Variants in KLHDC10 observed in about 807,000 individuals in gnomAD.
KLHDC10 encodes kelch domain-containing protein 10.
Under a neutral mutation model 56.1 loss-of-function variants are expected in KLHDC10, and 24 were observed. The ratio of observed to expected loss-of-function variants is 0.43; its 90% CI spans 0.31 to 0.60. The LOEUF is 0.60. Among genes scored for constraint, KLHDC10 ranks in the 20% least tolerant of loss-of-function variants. KLHDC10 has a pLI of 0.11. For synonymous variants in KLHDC10, 188 were observed against 207.1 expected, an observed-to-expected ratio of 0.91 and a Z score of 0.79; for missense variants, 349 against 567.0, an observed-to-expected ratio of 0.62 and a Z score of 3.91.
chr7:130,102,519 A>ACC (rs1795946124), intron 2 of KLHDC10, among the ~76,000 whole-genome samples: 1 of 152,092 alleles, frequency 6.6e-6, no homozygotes, highest in South Asian at 2.1e-4. Context: ...TAGATCCATA[A>ACC]ATTTAAAAAA....
intron 1 of KLHDC10, among the ~76,000 whole-genome samples, chr7:130,078,006 A>G (rs1056228135): frequency 6.6e-6 from 1 of 152,162 alleles, no homozygotes; most frequent in Non-Finnish European, 1.5e-5. Context: ...AATAACAGGT[A>G]TAGCTAAATA....
At chr7:130,099,130 T>C (rs566813640) in intron 2 of KLHDC10, among the ~76,000 whole-genome samples, 2 of 152,364 alleles carry the variant, frequency 1.3e-5, no homozygotes, top group Admixed American at 1.3e-4. Flanking sequence ...TGTATAGTTC[T>C]AGATGTTTTC....
intron 1 of KLHDC10, among the ~76,000 whole-genome samples, chr7:130,077,353 CAAAA>C (rs35132418): frequency 0.065 from 1,126 of 17,412 alleles, 3 homozygotes; most frequent in South Asian, 0.2. Flanking sequence ...GACTCTGTCT[CAAAA>C]AAAAAAAAAA....
chr7:130,081,616 G>T (rs914474498), intron 1 of KLHDC10, among the ~76,000 whole-genome samples: 2 of 152,246 alleles, frequency 1.3e-5, no homozygotes, highest in African/African-American at 4.8e-5. Flanking sequence ...ACTGCACCCG[G>T]CATTTTGATA....
At chr7:130,103,507 A>C (rs1474890295) in intron 2 of KLHDC10, among the ~76,000 whole-genome samples, 1 of 152,178 alleles carries the variant, frequency 6.6e-6, no homozygotes, top group Non-Finnish European at 1.5e-5. Context: ...TGCAAAAACA[A>C]ACCAACAGAA....
chr7:130,087,682 A>G (rs1033300674), intron 1 of KLHDC10, among the ~76,000 whole-genome samples: 1 of 152,126 alleles, frequency 6.6e-6, no homozygotes, highest in African/African-American at 2.4e-5. Flanking sequence ...AATGCTAACC[A>G]CAAATATTTT....
intron 2 of KLHDC10, among the ~76,000 whole-genome samples, chr7:130,101,842 C>A (rs561285844): frequency 1.3e-5 from 2 of 151,860 alleles, no homozygotes; most frequent in South Asian, 4.2e-4. Context: ...TGGTAGCAGG[C>A]GCTTGTAGTC....
chr7:130,077,353 CAAAAAAAAAAAAA>C lies in KLHDC10; in HGVS notation c.166+6561_166+6573del, dbSNP rs35132418. Among the ~76,000 whole-genome samples the C allele has an allele frequency of 5.0e-4, 9 of 17,900 alleles. 1 individual carries two copies. The highest frequency in any genetic ancestry group is 4.3e-3 in the South Asian group (1 of 232). 11.7% of individuals were successfully genotyped at this position (17,900 alleles called of 152,430 possible). On this transcript the variant is annotated intron_variant, in intron 1 of 9. Coordinates refer to ENST00000335420, the MANE Select transcript of KLHDC10 (RefSeq NM_014997.4). ...TGGGTGACTGAACAAGACTCTGTCT[CAAAAAAAAAAAAA>C]AAAAAAAAAAAAAAAACAGTATATG...
At chr7:130,071,395 C>G (rs967969450) in intron 1 of KLHDC10, among the ~76,000 whole-genome samples, 2 of 152,062 alleles carry the variant, frequency 1.3e-5, no homozygotes, top group African/African-American at 4.8e-5. Flanking sequence ...ATAATGGTGT[C>G]TAGGTTTTAA....
chr7:130,083,776 T>C (rs943251893), intron 1 of KLHDC10, among the ~76,000 whole-genome samples: 1 of 152,172 alleles, frequency 6.6e-6, no homozygotes, highest in Admixed American at 6.6e-5. Context: ...AAATGACTTA[T>C]GTGTGTCAAG....
intron 1 of KLHDC10, among the ~76,000 whole-genome samples, chr7:130,094,009 C>T (rs569634054): frequency 3.2e-4 from 48 of 152,196 alleles, no homozygotes; most frequent in Admixed American, 1.4e-3. Flanking sequence ...CTGCAACCTC[C>T]GCCTCTTGGG....
intron 2 of KLHDC10, among the ~76,000 whole-genome samples, chr7:130,102,593 A>G (rs1415823327): frequency 1.3e-5 from 2 of 152,146 alleles, no homozygotes; most frequent in African/African-American, 4.8e-5. Flanking sequence ...AGGCTGAGAT[A>G]GGTGAATCAC....
At position 130,134,647 on chromosome 7, in the gene KLHDC10, T is replaced by G. The variant is rs755482366; in HGVS notation, c.*3901T>G. ...TGTAAAACCCATTTTTTTTTTGTGG[T>G]CTTACAGATGTTTAGAAAGTGGCAC... On this transcript the variant is annotated 3_prime_UTR_variant, in exon 10 of 10. Coordinates refer to ENST00000335420, the MANE Select transcript of KLHDC10 (RefSeq NM_014997.4). 2 of 151,764 alleles carry G rather than the reference T, an allele frequency of 1.3e-5. No homozygotes were observed. The highest frequency in any genetic ancestry group is 2.9e-5 in the Non-Finnish European group (2 of 67,928). 9.4% of individuals were successfully genotyped at this position (151,764 alleles called of 1,614,324 possible).
In KLHDC10 at chr7:130,125,868, C is replaced by T; in HGVS notation, c.868C>T (p.His290Tyr). 6.3e-7 allele frequency: 1 copy of T among 1,593,658 alleles called. No homozygotes were observed. Among genetic ancestry groups the T allele is most frequent in the South Asian group, 1.2e-5 (1 of 86,342 alleles). The change falls in exon 7 of 10, where the codon CAT becomes TAT. Residue 290 changes from histidine to tyrosine, a missense_variant. This residue lies in a region of KLHDC10 where 245 missense variants were observed against 470.1 expected (regional missense o/e 0.52). Transcript: ENST00000335420. ...SWTAYSLNKIHAYNLETNAWE... is the reference protein window; with the variant it reads ...SWTAYSLNKIYAYNLETNAWE... ...TATGTTCTTTTTTTTCTCCAAGATCCATGCATACAACCTTGAAACGAATGC... is the reference window on the plus strand; with the variant it reads ...TATGTTCTTTTTTTTCTCCAAGATCTATGCATACAACCTTGAAACGAATGC...
At chr7:130,128,889 A>AAAAAAAAAAAAAAAAAATATAT in intron 8 of KLHDC10, among the ~76,000 whole-genome samples, 1 of 66,954 alleles carries the variant, frequency 1.5e-5, no homozygotes, top group Non-Finnish European at 2.8e-5. Flanking sequence ...AAAAAAAAAA[A>AAAAAAAAAAAAAAAAAATATAT]ATATATATAT....
rs1003381094 is a variant in KLHDC10 at position 130,124,395 on chromosome 7, T to C, written c.780-56T>C. Reference sequence around the variant, plus strand: ...TGTAATAAAAAACCTTATAGCTAAATCTTAGATAGGTCATTTTTCACTTAA... The same window carrying C: ...TGTAATAAAAAACCTTATAGCTAAACCTTAGATAGGTCATTTTTCACTTAA... On this transcript the variant is annotated intron_variant, in intron 5 of 9. Coordinates refer to ENST00000335420, the MANE Select transcript of KLHDC10 (RefSeq NM_014997.4). 4 of 1,033,432 alleles carry C rather than the reference T, an allele frequency of 3.9e-6. No homozygotes were observed. In the African/African-American group the frequency reaches 6.3e-5, roughly 16 times the overall value. The allele number at this position is 1,033,432 out of a possible 1,614,324, so 64.0% of individuals were successfully genotyped here. A position where few individuals can be genotyped will look rare whatever the true frequency, so the allele number is the denominator to read the frequency against.
At chr7:130,099,355 G>A (rs1054628028) in intron 2 of KLHDC10, among the ~76,000 whole-genome samples, 6 of 152,146 alleles carry the variant, frequency 3.9e-5, no homozygotes, top group African/African-American at 7.2e-5. Flanking sequence ...GTGCTAGCCT[G>A]ATGATCTAAG....
Position 130,070,778 on chromosome 7 carries a change from C to A in KLHDC10, c.135C>A (p.Phe45Leu). 7.7e-7 allele frequency: 1 copy of A among 1,307,036 alleles called. No homozygotes were observed. Among genetic ancestry groups the A allele is most frequent in the Non-Finnish European group, 9.8e-7 (1 of 1,025,418 alleles). 81.0% of individuals were successfully genotyped at this position (1,307,036 alleles called of 1,614,324 possible). ...GGRGTGQLNR[F>L]VQLSGRPHLP... ...GGGGGACTGGCCAGCTCAACCGCTT[C>A]GTGCAACTCTCCGGGCGGCCGCACC... Residue 45 changes from phenylalanine to leucine, a missense_variant, in exon 1 of 10, where the codon TTC becomes TTA. Coordinates refer to ENST00000335420, the MANE Select transcript of KLHDC10 (RefSeq NM_014997.4).
At chr7:130,127,250 TAAG>T (rs1418867964) in intron 7 of KLHDC10, among the ~76,000 whole-genome samples, 151 bp from the exon 8 acceptor site, 2 of 152,184 alleles carry the variant, frequency 1.3e-5, no homozygotes, top group African/African-American at 4.8e-5. Context: ...GCTTTTGAAA[TAAG>T]GAGGGAGTGG....
Sources: gnomAD v4.1 joint callset for allele counts (sites outside exome capture counted in the v4.1 genomes callset) on GRCh38, gnomAD v4.1.1 for gene constraint, gnomAD v4.1.1 regional missense constraint, MANE v1.5 for transcripts, NCBI Gene and HGNC (gene_info 2026-07-23, HGNC 2026-07-21) for gene names.